SCAF11: variants seen among roughly 807,000 people sequenced by gnomAD.
The protein encoded by SCAF11 is SR-related CTD associated factor 11, also known as protein SCAF11.
SCAF11 carries 47 observed loss-of-function variants against 140.5 expected under a neutral mutation model. The observed-to-expected ratio is 0.33, with a 90% CI of 0.26 to 0.43. The LOEUF is 0.43. Among genes scored for constraint, SCAF11 ranks in the 20% least tolerant of loss-of-function variants. The probability of loss-of-function intolerance (pLI) is 1.00; values close to 1 mark genes in which losing one functional copy is unlikely to be tolerated. For synonymous variants in SCAF11, 557 were observed against 579.4 expected (o/e 0.96, Z 0.55); for missense variants, 1,645 against 1,705.1 (o/e 0.96, Z 0.62).
At chr12:45,979,857 G>A (rs986838395) in intron 1 of SCAF11, among the ~76,000 whole-genome samples, 2 of 150,962 alleles carry the variant, frequency 1.3e-5, no homozygotes, top group Non-Finnish European at 2.9e-5. Context: ...CCCAGATACC[G>A]ATTGTATTAC....
At chr12:45,925,809 A>G (rs1363757845) in intron 11 of SCAF11, among the ~76,000 whole-genome samples, 1 of 152,210 alleles carries the variant, frequency 6.6e-6, no homozygotes, top group African/African-American at 2.4e-5. Context: ...GAGAACAATT[A>G]TCAAAAAAAT....
intron 10 of SCAF11, among the ~76,000 whole-genome samples, chr12:45,930,316 T>G (rs1945009910): frequency 6.6e-6 from 1 of 152,204 alleles, no homozygotes; most frequent in African/African-American, 2.4e-5. Context: ...TTTACAGTAT[T>G]GCACTAAACA....
At position 45,961,686 on chromosome 12, in the gene SCAF11, T is replaced by A; in HGVS notation, c.219+14A>T. The A allele has an allele frequency of 6.3e-7, 1 of 1,594,350 alleles. No homozygotes were observed. Among genetic ancestry groups the A allele is most frequent in the Non-Finnish European group, 8.5e-7 (1 of 1,170,630 alleles). On this transcript the variant is annotated intron_variant, in intron 3 of 14. Coordinates refer to ENST00000369367, the MANE Select transcript of SCAF11 (RefSeq NM_004719.3). Reference sequence around the variant, plus strand: ...ATGCTAGGAAATTAAAATACATTAATGTGTCAGACTTACCTCTGCCCATTT... The same window carrying A: ...ATGCTAGGAAATTAAAATACATTAAAGTGTCAGACTTACCTCTGCCCATTT...
chr12:45,952,946 T>C (rs890571530), intron 3 of SCAF11, among the ~76,000 whole-genome samples: 1 of 152,236 alleles, frequency 6.6e-6, no homozygotes, highest in Non-Finnish European at 1.5e-5. Flanking sequence ...CAAGTAAAAG[T>C]AGAGCAGATT....
chr12:45,969,082 G>T (rs2136632072), intron 1 of SCAF11, among the ~76,000 whole-genome samples: 1 of 152,292 alleles, frequency 6.6e-6, no homozygotes, highest in South Asian at 2.1e-4. Flanking sequence ...TGAAGTTTTA[G>T]TTAATTTAAA....
At chr12:45,958,141 G>A (rs957725046) in intron 3 of SCAF11, among the ~76,000 whole-genome samples, 2 of 151,820 alleles carry the variant, frequency 1.3e-5, no homozygotes, top group Non-Finnish European at 2.9e-5. Context: ...CTGGGCTCGA[G>A]TGATCCACCC....
At chr12:45,943,796 AG>A (rs2015534138) in intron 6 of SCAF11, among the ~76,000 whole-genome samples, 1 of 152,208 alleles carries the variant, frequency 6.6e-6, no homozygotes, top group African/African-American at 2.4e-5. Flanking sequence ...AGGCATCTTA[AG>A]TAGATACAGC....
intron 2 of SCAF11, among the ~76,000 whole-genome samples, chr12:45,963,236 C>A (rs1325382672): frequency 6.6e-6 from 1 of 152,006 alleles, no homozygotes; most frequent in Non-Finnish European, 1.5e-5. Context: ...AACACATGAA[C>A]CAACAAAGGA....
chr12:45,972,447 T>A (rs1043225249), intron 1 of SCAF11, among the ~76,000 whole-genome samples: 10 of 151,860 alleles, frequency 6.6e-5, no homozygotes, highest in African/African-American at 2.4e-4. Context: ...TAGCCAAGCA[T>A]AGTGGTGTGT....
upstream of SCAF11, chr12:45,990,579 T>C (rs979995976): frequency 2.1e-5 from 26 of 1,224,638 alleles, no homozygotes; most frequent in Admixed American, 8.5e-5. Flanking sequence ...CTACTCCCCC[T>C]TCCCCCGCCT....
In SCAF11 at chr12:45,927,922, A is replaced by C. The variant is rs1015976065; in HGVS notation, c.1779T>G (p.Thr593=). The stretch of plus-strand genomic sequence containing the variant: ...TTTTTAGTGTAAAATCTTTATGTTC[A>C]GTAATTTCTACTAGGGAACTCTCTG... The part of the protein sequence containing the change: ...KITESSLVEI[T]EHKDFTLKTE... Residue 593 remains threonine (T), a synonymous_variant, in exon 11 of 15, where the codon ACT becomes ACG. Coordinates refer to ENST00000369367, the MANE Select transcript of SCAF11 (RefSeq NM_004719.3). The C allele has an allele frequency of 6.8e-6, 11 of 1,612,912 alleles. No individual in the cohort carries two copies. Among genetic ancestry groups the C allele is most frequent in the Non-Finnish European group, 9.3e-6 (11 of 1,179,732 alleles).
At chr12:45,971,815 A>G (rs1946080778) in intron 1 of SCAF11, among the ~76,000 whole-genome samples, 2 of 152,140 alleles carry the variant, frequency 1.3e-5, no homozygotes, top group Admixed American at 1.3e-4. Context: ...AAAACTCTTA[A>G]GAAAAGAGAG....
chr12:45,948,366 T>C, intron 5 of SCAF11, 71 bp downstream of exon 5: 1 of 979,594 alleles, frequency 1.0e-6, no homozygotes, highest in Non-Finnish European at 1.6e-6. Context: ...TTCATTTTTT[T>C]AATACCTTTT....
Position 45,927,616 on chromosome 12 carries a change from T to C in SCAF11, c.2085A>G (p.Thr695=), listed in dbSNP as rs1944917009. 6.2e-7 allele frequency: 1 copy of C among 1,613,040 alleles called. No individual in the cohort carries two copies. The highest frequency in any genetic ancestry group is 8.5e-7 in the Non-Finnish European group (1 of 1,180,006). The stretch of plus-strand genomic sequence containing the variant: ...GTTCAATGTGTGTTTTAGGCAACTC[T>C]GTAGATCTAGGATGTTCGGTCAGCG... The part of the protein sequence containing the change: ...NESLTEHPRS[T]ELPKTHIEQI... The change falls in exon 11 of 15, where the codon ACA becomes ACG. Residue 695 remains threonine (T), a synonymous_variant. Coordinates refer to ENST00000369367, the MANE Select transcript of SCAF11 (RefSeq NM_004719.3).
intron 1 of SCAF11, among the ~76,000 whole-genome samples, chr12:45,989,441 C>G (rs989865684): frequency 6.6e-6 from 1 of 152,172 alleles, no homozygotes; most frequent in Admixed American, 6.5e-5. Context: ...CAACAGTCAG[C>G]TGGTAGACAC....
At chr12:45,972,577 C>G (rs1314944200) in intron 1 of SCAF11, among the ~76,000 whole-genome samples, 4 of 141,120 alleles carry the variant, frequency 2.8e-5, no homozygotes, top group Non-Finnish European at 6.1e-5. Flanking sequence ...CAGCAAAACC[C>G]TGTCTCTTAA....
intron 4 of SCAF11, 61 bp from the exon 5 acceptor site, chr12:45,948,598 T>A (rs1945480273): frequency 9.6e-7 from 1 of 1,046,748 alleles, no homozygotes; most frequent in East Asian, 2.4e-5. Context: ...ACTTTTTAAA[T>A]TCTTCCTTGA....
intron 3 of SCAF11, chr12:45,953,881 T>G (rs1186589593): frequency 9.6e-7 from 1 of 1,036,694 alleles, no homozygotes; most frequent in Non-Finnish European, 1.3e-6. Context: ...TGGCATATAC[T>G]AAATATTATG....
At chr12:45,936,211 G>A (rs1318271893) in intron 6 of SCAF11, among the ~76,000 whole-genome samples, 1 of 150,574 alleles carries the variant, frequency 6.6e-6, no homozygotes, top group African/African-American at 2.4e-5. Flanking sequence ...CCACAATCTC[G>A]GCTGACTGCA....
Sources: gnomAD v4.1 joint callset for allele counts (sites outside exome capture counted in the v4.1 genomes callset) on GRCh38, gnomAD v4.1.1 for gene constraint, MANE v1.5 for transcripts, NCBI Gene and HGNC (gene_info 2026-07-23, HGNC 2026-07-21) for gene names.